SEZ6L: variants seen among roughly 807,000 people sequenced by gnomAD.
SEZ6L encodes the protein seizure 6-like protein.
In SEZ6L, 37 loss-of-function variants were observed where a neutral mutation model predicts 106.2. That is an observed-to-expected ratio of 0.35 (90% CI 0.27 to 0.46). The LOEUF is 0.46. Ranked by LOEUF, SEZ6L falls within the 20% of genes least tolerant of loss-of-function variation. SEZ6L has a pLI of 1.00. For synonymous variants in SEZ6L, 541 were observed against 570.4 expected, an observed-to-expected ratio of 0.95 and a Z score of 0.73; for missense variants, 1,172 against 1,332.8, an observed-to-expected ratio of 0.88 and a Z score of 1.88.
intron 12 of SEZ6L, among the ~76,000 whole-genome samples, chr22:26,357,537 C>G (rs2083478240): frequency 6.6e-6 from 1 of 152,158 alleles, no homozygotes; most frequent in Non-Finnish European, 1.5e-5. Flanking sequence ...ATGGAACCTA[C>G]AGTGACATCT....
At chr22:26,251,791 G>A (rs767157494) in intron 1 of SEZ6L, among the ~76,000 whole-genome samples, 13 of 152,192 alleles carry the variant, frequency 8.5e-5, no homozygotes, top group African/African-American at 3.1e-4. Flanking sequence ...AGCCAGGATG[G>A]ACATCTATAT....
intron 1 of SEZ6L, among the ~76,000 whole-genome samples, chr22:26,239,974 C>T (rs2079064979): frequency 6.6e-6 from 1 of 151,764 alleles, no homozygotes; most frequent in Non-Finnish European, 1.5e-5. Context: ...AATTCAACTT[C>T]CCTCAACAAG....
intron 1 of SEZ6L, among the ~76,000 whole-genome samples, chr22:26,279,952 T>C (rs781381922): frequency 2.0e-5 from 3 of 152,178 alleles, no homozygotes; most frequent in Non-Finnish European, 4.4e-5. Flanking sequence ...ATTATTTCGT[T>C]TTTAATTATT....
At chr22:26,367,879 G>A (rs1415920520) in intron 13 of SEZ6L, among the ~76,000 whole-genome samples, 3 of 152,090 alleles carry the variant, frequency 2.0e-5, no homozygotes, top group Non-Finnish European at 4.4e-5. Context: ...TTTAAGCCTC[G>A]CCCCCACCTC....
chr22:26,226,095 C>T (rs1241598680), intron 1 of SEZ6L, among the ~76,000 whole-genome samples: 1 of 152,216 alleles, frequency 6.6e-6, no homozygotes, highest in East Asian at 1.9e-4. Flanking sequence ...AAGCCACCAT[C>T]AGCTCTCACC....
chr22:26,276,898 C>T (rs2080563638), intron 1 of SEZ6L, among the ~76,000 whole-genome samples: 1 of 152,182 alleles, frequency 6.6e-6, no homozygotes, highest in Non-Finnish European at 1.5e-5. Flanking sequence ...TAAGATCGTG[C>T]GCCTGTGCCA....
chr22:26,201,401 A>C (rs2145679262), intron 1 of SEZ6L, among the ~76,000 whole-genome samples: 1 of 149,926 alleles, frequency 6.7e-6, no homozygotes, highest in East Asian at 1.9e-4. Flanking sequence ...AAAAAAAAAA[A>C]AAAGAGGAAA....
chr22:26,274,994 A>G (rs618308), intron 1 of SEZ6L, among the ~76,000 whole-genome samples: 44,328 of 152,100 alleles, frequency 0.29, 7,224 homozygotes, highest in Non-Finnish European at 0.37. Flanking sequence ...TAACACTGGC[A>G]TTGCCCAAGG....
chr22:26,283,755 A>G (rs2080846720), intron 1 of SEZ6L, among the ~76,000 whole-genome samples: 2 of 152,194 alleles, frequency 1.3e-5, no homozygotes, highest in Admixed American at 1.3e-4. Flanking sequence ...GAGAATGCTA[A>G]ATGCCACATT....
At chr22:26,196,462 A>C (rs533636936) in intron 1 of SEZ6L, among the ~76,000 whole-genome samples, 2 of 152,236 alleles carry the variant, frequency 1.3e-5, no homozygotes, top group African/African-American at 4.8e-5. Context: ...TAGCTGGAGC[A>C]TGGCAAATGA....
At chr22:26,219,177 G>C (rs1167206745) in intron 1 of SEZ6L, among the ~76,000 whole-genome samples, 1 of 151,888 alleles carries the variant, frequency 6.6e-6, no homozygotes, top group Non-Finnish European at 1.5e-5. Flanking sequence ...CTTACTCACA[G>C]GGCGGCTGTA....
chr22:26,381,634 T>A lies in SEZ6L; in HGVS notation c.*1339T>A, dbSNP rs1485251688. On this transcript the variant is annotated 3_prime_UTR_variant, in exon 17 of 17. Transcript: ENST00000248933. Reference sequence around the variant, plus strand: ...TCACACGGGCATTCCTCTTATTTTATCAGGGTCTGTTTTCCCCCAACCCAG... The same window carrying A: ...TCACACGGGCATTCCTCTTATTTTAACAGGGTCTGTTTTCCCCCAACCCAG... 1 of 158,772 alleles carries A rather than the reference T, an allele frequency of 6.3e-6. No individual in the cohort carries two copies. The highest frequency in any genetic ancestry group is 1.4e-5 in the Non-Finnish European group (1 of 71,770). 9.8% of individuals were successfully genotyped at this position (158,772 alleles called of 1,614,324 possible). A position where few individuals can be genotyped will look rare whatever the true frequency, so the allele number is the denominator to read the frequency against.
chr22:26,250,836 A>G (rs1024116741), intron 1 of SEZ6L, among the ~76,000 whole-genome samples: 1 of 152,008 alleles, frequency 6.6e-6, no homozygotes, highest in African/African-American at 2.4e-5. Context: ...AATTTCTTTT[A>G]TCAGTGTTCA....
chr22:26,322,359 G>A (rs1243013726), intron 9 of SEZ6L, among the ~76,000 whole-genome samples: 13 of 152,172 alleles, frequency 8.5e-5, no homozygotes. Flanking sequence ...GGCACCAGCT[G>A]TGTGTCTCGG....
intron 12 of SEZ6L, among the ~76,000 whole-genome samples, chr22:26,354,045 G>A (rs1020878368): frequency 2.0e-5 from 3 of 147,342 alleles, no homozygotes; most frequent in South Asian, 2.2e-4. Flanking sequence ...GAGTGTCTTC[G>A]ACATCCTAAC....
In SEZ6L at chr22:26,381,767, T is replaced by C. The variant is rs2084417088; in HGVS notation, c.*1472T>C. ...GAAGAAATACTATGTGTGAAGCAGA[T>C]TCACCTTCCTGGGACCGGTGACATG... is the stretch of plus-strand genomic sequence containing the variant. On this transcript the variant is annotated 3_prime_UTR_variant, in exon 17 of 17. Transcript: ENST00000248933. 3.5e-6 allele frequency: 1 copy of C among 287,064 alleles called. No individual in the cohort carries two copies. Among genetic ancestry groups the C allele is most frequent in the Middle Eastern group, 8.9e-4 (1 of 1,124 alleles). The allele number at this position is 287,064 out of a possible 1,614,324, so 17.8% of individuals were successfully genotyped here. A position where few individuals can be genotyped will look rare whatever the true frequency, so the allele number is the denominator to read the frequency against.
intron 9 of SEZ6L, among the ~76,000 whole-genome samples, chr22:26,320,003 T>C (rs1260226069): frequency 1.3e-5 from 2 of 152,216 alleles, no homozygotes; most frequent in Admixed American, 6.5e-5. Context: ...GGCCTCCATT[T>C]TTTAGTAAGT....
chr22:26,285,655 GCTGCT>G lies in SEZ6L; in HGVS notation c.95-6749_95-6745del, dbSNP rs563119703. Among the ~76,000 whole-genome samples, 803 of 152,328 alleles carry G rather than the reference GCTGCT, an allele frequency of 5.3e-3. 3 individuals carry two copies. The highest frequency in any genetic ancestry group is 8.6e-3 in the Non-Finnish European group (586 of 68,018). ...CATCTAGTGGGTAGAAGCTAGGGATGCTGCTCCGTTTCCTACAACGCATAGAGCAG... is the reference window on the plus strand; with the variant it reads ...CATCTAGTGGGTAGAAGCTAGGGATGCCGTTTCCTACAACGCATAGAGCAG... On this transcript the variant is annotated intron_variant, in intron 1 of 16. Transcript: ENST00000248933.
chr22:26,356,816 A>C (rs993260590), intron 12 of SEZ6L, among the ~76,000 whole-genome samples: 1 of 152,122 alleles, frequency 6.6e-6, no homozygotes, highest in Admixed American at 6.5e-5. Context: ...CACAGTTAGC[A>C]CGAGCACCAC....
Sources: allele counts gnomAD v4.1 joint callset (sites outside exome capture counted in the v4.1 genomes callset), GRCh38; gene constraint gnomAD v4.1.1; transcripts MANE v1.5; gene names NCBI Gene and HGNC (gene_info 2026-07-23, HGNC 2026-07-21).